MYO1F: variants seen among roughly 807,000 people sequenced by gnomAD.
The protein encoded by MYO1F is myosin IF.
In MYO1F, 60 loss-of-function variants were observed where a neutral mutation model predicts 146.6. The observed-to-expected ratio is 0.41, with a 90% CI of 0.33 to 0.51. MYO1F has a LOEUF of 0.51. MYO1F is among the 20% of genes least tolerant of loss of function. MYO1F has a pLI of 0.25. For missense variants in MYO1F, 1,274 were observed against 1,534.3 expected (o/e 0.83, Z 2.83); for synonymous variants, 602 against 602.1 (o/e 1.00, Z 0.00).
At chr19:8,544,869 A>T (rs1186974912) in intron 13 of MYO1F, among the ~76,000 whole-genome samples, 1 of 152,044 alleles carries the variant, frequency 6.6e-6, no homozygotes, top group Non-Finnish European at 1.5e-5. Context: ...TCCATCTCCC[A>T]GGTTCGAGTG....
In MYO1F at chr19:8,537,074, C is replaced by CTG. The variant is rs140428641; in HGVS notation, c.1693-20_1693-19insCA. The stretch of plus-strand genomic sequence containing the variant: ...CTTGTTTCTGAGGCAGAAGTGAAGA[C>CTG]GGGTGGGTGGGGGGCACAGAGATGG... On this transcript the variant is annotated intron_variant, in intron 16 of 27. Transcript: ENST00000644032. The CTG allele has an allele frequency of 2.0e-6, 3 of 1,518,848 alleles. No individual in the cohort carries two copies. The highest frequency in any genetic ancestry group is 2.7e-6 in the Non-Finnish European group (3 of 1,110,236). The allele number at this position is 1,518,848 out of a possible 1,614,324, so 94.1% of individuals were successfully genotyped here. A position where few individuals can be genotyped will look rare whatever the true frequency, so the allele number is the denominator to read the frequency against.
chr19:8,572,809 C>G (rs1169241849), intron 1 of MYO1F, among the ~76,000 whole-genome samples: 1 of 152,182 alleles, frequency 6.6e-6, no homozygotes, highest in Non-Finnish European at 1.5e-5. Flanking sequence ...GATCTTCCCA[C>G]CTCAGCTTCC....
chr19:8,538,584 ATTTT>A (rs79984981), intron 16 of MYO1F, among the ~76,000 whole-genome samples: 2 of 126,512 alleles, frequency 1.6e-5, no homozygotes, highest in Non-Finnish European at 3.4e-5. Flanking sequence ...TCCCGGTCTG[ATTTT>A]TTTTTTTTTT....
At chr19:8,573,621 G>A (rs1209763614) in intron 1 of MYO1F, among the ~76,000 whole-genome samples, 3 of 152,064 alleles carry the variant, frequency 2.0e-5, no homozygotes, top group Non-Finnish European at 2.9e-5. Context: ...AGGCCAAAGC[G>A]GGTGGATCAC....
chr19:8,547,478 C>A (rs1973414690), intron 12 of MYO1F, among the ~76,000 whole-genome samples: 1 of 151,504 alleles, frequency 6.6e-6, no homozygotes, highest in African/African-American at 2.4e-5. Context: ...GTGGTGGGTG[C>A]CTGTAGTCCC....
At chr19:8,533,137 C>T (rs1302121394) in intron 19 of MYO1F, among the ~76,000 whole-genome samples, 4 of 144,818 alleles carry the variant, frequency 2.8e-5, no homozygotes, top group Non-Finnish European at 4.5e-5. Context: ...CTCCCGGGCT[C>T]AAGGGATCCT....
intron 16 of MYO1F, among the ~76,000 whole-genome samples, chr19:8,538,454 G>A (rs1270266535): frequency 6.6e-6 from 1 of 150,658 alleles, no homozygotes; most frequent in Admixed American, 6.7e-5. Context: ...GCTAAATTTT[G>A]TATTTTTAGT....
intron 17 of MYO1F, 76 bp from the exon 18 acceptor site, chr19:8,536,673 G>A (rs1281034589): frequency 2.9e-6 from 2 of 693,690 alleles, no homozygotes; most frequent in African/African-American, 2.1e-5. Context: ...GGTGCTGGAG[G>A]TGGGGGACCT....
At chr19:8,565,178 T>C (rs1030021767) in intron 1 of MYO1F, among the ~76,000 whole-genome samples, 19 of 152,036 alleles carry the variant, frequency 1.2e-4, no homozygotes, top group African/African-American at 4.6e-4. Flanking sequence ...AGTACAGGCG[T>C]GAGCCACCAC....
intron 14 of MYO1F, 45 bp downstream of exon 14, chr19:8,544,252 G>T: frequency 6.2e-7 from 1 of 1,607,488 alleles, no homozygotes; most frequent in Admixed American, 1.7e-5. Flanking sequence ...GGAGCCCTGG[G>T]GGTCTGCGAG....
chr19:8,555,183 A>C (rs1423330631), intron 2 of MYO1F, among the ~76,000 whole-genome samples: 4 of 151,040 alleles, frequency 2.6e-5, no homozygotes, highest in Admixed American at 2.6e-4. Flanking sequence ...TCAGTCTCAA[A>C]AACAAAACAC....
chr19:8,538,122 C>CT (rs1329192419), intron 16 of MYO1F, among the ~76,000 whole-genome samples: 250 of 147,700 alleles, frequency 1.7e-3, no homozygotes, highest in African/African-American at 4.6e-3. Context: ...CACCCAGCTC[C>CT]TTTTTTTTTA....
chr19:8,566,960 AGCCACCAGGCCAAGCCTGGTCT>A (rs1446690060), intron 1 of MYO1F, among the ~76,000 whole-genome samples: 6 of 152,104 alleles, frequency 3.9e-5, no homozygotes, highest in African/African-American at 1.4e-4. Flanking sequence ...TACAGGCGTA[AGCCACCAGGCCAAGCCTGGTCT>A]AAGCTTTTTA....
chr19:8,534,942 A>G (rs112456965), intron 19 of MYO1F, among the ~76,000 whole-genome samples: 5,156 of 137,166 alleles, frequency 0.038, 184 homozygotes, highest in African/African-American at 0.11. Flanking sequence ...CTAAAATTAA[A>G]TTACTGTTGC....
In MYO1F at chr19:8,541,413, G is replaced by A. The variant is rs1387070643; in HGVS notation, c.1610+493C>T. Among the ~76,000 whole-genome samples, 3 of 134,394 alleles carry A rather than the reference G, an allele frequency of 2.2e-5. No individual in the cohort carries two copies. The East Asian group carries it at 6.6e-4, about 29-fold the overall frequency. 88.2% of individuals were successfully genotyped at this position (134,394 alleles called of 152,430 possible). ...CTAATGCTATGTTCTTTGTGTGTGT[G>A]TGTGTGTGTGTGTTTTTTTTTTTTT... On this transcript the variant is annotated intron_variant, in intron 15 of 27. Coordinates refer to ENST00000644032, the MANE Select transcript of MYO1F (RefSeq NM_012335.4).
chr19:8,541,178 C>A (rs1313700689), intron 15 of MYO1F, among the ~76,000 whole-genome samples: 1 of 151,900 alleles, frequency 6.6e-6, no homozygotes, highest in African/African-American at 2.4e-5. Context: ...TTTTTGCTGG[C>A]AGAGTAGACA....
intron 25 of MYO1F, among the ~76,000 whole-genome samples, chr19:8,523,218 A>G (rs1391359557): frequency 6.6e-6 from 1 of 152,040 alleles, no homozygotes; most frequent in Non-Finnish European, 1.5e-5. Flanking sequence ...TATTTTTAGT[A>G]GAGACGGAGT....
At chr19:8,542,991 C>T (rs921861035) in intron 14 of MYO1F, among the ~76,000 whole-genome samples, 1 of 152,104 alleles carries the variant, frequency 6.6e-6, no homozygotes, top group Non-Finnish European at 1.5e-5. Flanking sequence ...GCAACCTCCA[C>T]CTCTTGGATT....
At position 8,521,145 on chromosome 19, in the gene MYO1F, G is replaced by A. The variant is rs564564792; in HGVS notation, c.*383C>T. The A allele has an allele frequency of 3.2e-4, 108 of 342,478 alleles. No homozygotes were observed. Among genetic ancestry groups the A allele is most frequent in the Non-Finnish European group, 4.2e-4 (74 of 175,602 alleles). The allele number at this position is 342,478 out of a possible 1,614,324, so 21.2% of individuals were successfully genotyped here. A position where few individuals can be genotyped will look rare whatever the true frequency, so the allele number is the denominator to read the frequency against. ...GGCAAAGGTTTATTGCCTTAGTGAT[G>A]ACAGAATGAGCAAAGTCACGCTTGT... On this transcript the variant is annotated 3_prime_UTR_variant, in exon 28 of 28. Coordinates refer to ENST00000644032, the MANE Select transcript of MYO1F (RefSeq NM_012335.4).
Sources: gnomAD v4.1 joint callset for allele counts (sites outside exome capture counted in the v4.1 genomes callset) on GRCh38, gnomAD v4.1.1 for gene constraint, MANE v1.5 for transcripts, NCBI Gene and HGNC (gene_info 2026-07-23, HGNC 2026-07-21) for gene names.